The following NALF1 variants were observed in gnomAD, a reference collection of about 807,000 sequenced individuals.
The protein encoded by NALF1 is family with sequence similarity 155 member A.
NALF1 carries 3 observed loss-of-function variants against 48.4 expected under a neutral mutation model. The ratio of observed to expected loss-of-function variants is 0.06; its 90% CI spans 0.03 to 0.16. NALF1 has a LOEUF of 0.16. Ranked by LOEUF, NALF1 falls within the 10% of genes least tolerant of loss-of-function variation. The probability of loss-of-function intolerance (pLI) is 1.00; values close to 1 mark genes in which losing one functional copy is unlikely to be tolerated. For missense variants in NALF1, 526 were observed against 571.5 expected, an observed-to-expected ratio of 0.92 and a Z score of 0.81; for synonymous variants, 262 against 245.7, an observed-to-expected ratio of 1.07 and a Z score of -0.62.
chr13:107,668,294 A>G (rs1880909277), intron 1 of NALF1, among the ~76,000 whole-genome samples: 1 of 151,960 alleles, frequency 6.6e-6, no homozygotes, highest in Non-Finnish European at 1.5e-5. Flanking sequence ...CTACTAACTC[A>G]CTTCTGAGGT....
At position 107,710,659 on chromosome 13, in the gene NALF1, G is replaced by A. The variant is rs933012187; in HGVS notation, c.915+155023C>T. Among the ~76,000 whole-genome samples, 4 of 149,476 alleles carry A rather than the reference G, an allele frequency of 2.7e-5. No homozygotes were observed. The East Asian group carries it at 5.8e-4, about 22-fold the overall frequency. Reference sequence around the variant, plus strand: ...GAACTCACTATCGCAAGAAGAGCATGGGGGAAACCACCTGCAGAATCCAAT... The same window carrying A: ...GAACTCACTATCGCAAGAAGAGCATAGGGGAAACCACCTGCAGAATCCAAT... On this transcript the variant is annotated intron_variant, in intron 1 of 2. Transcript: ENST00000375915.
chr13:107,235,656 T>C (rs1259313116), intron 1 of NALF1, among the ~76,000 whole-genome samples: 9 of 152,216 alleles, frequency 5.9e-5, no homozygotes, highest in African/African-American at 2.2e-4. Flanking sequence ...GTCATCCATT[T>C]TTAAAAATAC....
chr13:107,734,755 C>T (rs1308574525), intron 1 of NALF1, among the ~76,000 whole-genome samples: 1 of 152,090 alleles, frequency 6.6e-6, no homozygotes, highest in Non-Finnish European at 1.5e-5. Flanking sequence ...AGACAGCACA[C>T]ATAATGGGCT....
At chr13:107,272,986 T>C (rs1400668330) in intron 1 of NALF1, among the ~76,000 whole-genome samples, 1 of 152,186 alleles carries the variant, frequency 6.6e-6, no homozygotes, top group Non-Finnish European at 1.5e-5. Flanking sequence ...GTTCAGGACA[T>C]GCTACCCAAA....
At chr13:107,277,034 T>C (rs907190298) in intron 1 of NALF1, among the ~76,000 whole-genome samples, 1 of 152,194 alleles carries the variant, frequency 6.6e-6, no homozygotes, top group African/African-American at 2.4e-5. Flanking sequence ...ATACAGAACA[T>C]TGTATTCACA....
At chr13:107,476,414 G>A (rs933642815) in intron 1 of NALF1, among the ~76,000 whole-genome samples, 1 of 152,026 alleles carries the variant, frequency 6.6e-6, no homozygotes, top group African/African-American at 2.4e-5. Context: ...CATGTGTAAT[G>A]TATAAGAAAA....
intron 1 of NALF1, among the ~76,000 whole-genome samples, chr13:107,547,983 T>A (rs1349245024): frequency 6.6e-6 from 1 of 152,122 alleles, no homozygotes; most frequent in Non-Finnish European, 1.5e-5. Flanking sequence ...CTATTTTTTT[T>A]AAATTTTAGG....
At position 107,627,692 on chromosome 13, in the gene NALF1, G is replaced by A. The variant is rs561917683; in HGVS notation, c.915+237990C>T. Among the ~76,000 whole-genome samples, 120 of 152,158 alleles carry A rather than the reference G, an allele frequency of 7.9e-4. 1 individual carries two copies. The highest frequency in any genetic ancestry group is 2.4e-3 in the African/African-American group (99 of 41,552). The stretch of plus-strand genomic sequence containing the variant: ...TGCAACAAAAAGTCAAATGGAGAGA[G>A]AACTGCAGTGGTGGGCTCTATTTTC... On this transcript the variant is annotated intron_variant, in intron 1 of 2. Coordinates refer to ENST00000375915, the MANE Select transcript of NALF1 (RefSeq NM_001080396.3).
intron 1 of NALF1, among the ~76,000 whole-genome samples, chr13:107,602,082 T>C (rs1376132157): frequency 6.6e-6 from 1 of 152,210 alleles, no homozygotes; most frequent in East Asian, 1.9e-4. Context: ...CTGCATCCAA[T>C]ACACCTATGT....
intron 1 of NALF1, among the ~76,000 whole-genome samples, chr13:107,424,326 T>TG (rs1327478901): frequency 6.6e-6 from 1 of 152,020 alleles, no homozygotes; most frequent in Non-Finnish European, 1.5e-5. Context: ...TATCTAGAGA[T>TG]GGAGTTTTGC....
chr13:107,311,990 T>C (rs148211133), intron 1 of NALF1, among the ~76,000 whole-genome samples: 6,992 of 152,230 alleles, frequency 0.046, 238 homozygotes, highest in East Asian at 0.19. Flanking sequence ...TAAACTAGTT[T>C]AATCATTGTG....
intron 1 of NALF1, among the ~76,000 whole-genome samples, chr13:107,773,246 T>C (rs1024786731): frequency 3.3e-5 from 5 of 152,178 alleles, no homozygotes; most frequent in African/African-American, 1.2e-4. Flanking sequence ...CTTTCAATTT[T>C]CTCATCAGAA....
chr13:107,796,119 T>G (rs1315327603), intron 1 of NALF1, among the ~76,000 whole-genome samples: 2 of 152,182 alleles, frequency 1.3e-5, no homozygotes, highest in Non-Finnish European at 2.9e-5. Context: ...TAAGGTAATC[T>G]TTGTGTGTGG....
intron 2 of NALF1, among the ~76,000 whole-genome samples, chr13:107,180,257 T>C (rs8000874): frequency 0.02 from 3,098 of 152,088 alleles, 110 homozygotes; most frequent in African/African-American, 0.071. Context: ...TATTCAAGTA[T>C]AGGCATTACA....
chr13:107,195,168 A>G (rs1410979916), intron 2 of NALF1, among the ~76,000 whole-genome samples: 1 of 152,216 alleles, frequency 6.6e-6, no homozygotes, highest in Non-Finnish European at 1.5e-5. Flanking sequence ...AGGTTCCTTA[A>G]AGAACTAAAA....
rs1386945144 is a variant in NALF1, at chr13:107,660,484, C to CACACAA, written c.915+205197_915+205198insTTGTGT. On this transcript the variant is annotated intron_variant, in intron 1 of 2. Coordinates refer to ENST00000375915, the MANE Select transcript of NALF1 (RefSeq NM_001080396.3). ...ACACACACACACACACACACACACA[C>CACACAA]AACAAAGAAACAAAAAAACAAACAA... Among the ~76,000 whole-genome samples, 353 of 139,216 alleles carry CACACAA rather than the reference C, an allele frequency of 2.5e-3. 1 individual carries two copies. The highest frequency in any genetic ancestry group is 0.012 in the East Asian group (50 of 4,246). The allele number at this position is 139,216 out of a possible 152,430, so 91.3% of individuals were successfully genotyped here. A position where few individuals can be genotyped will look rare whatever the true frequency, so the allele number is the denominator to read the frequency against.
intron 1 of NALF1, among the ~76,000 whole-genome samples, chr13:107,805,638 T>G (rs1042207611): frequency 6.6e-6 from 1 of 152,224 alleles, no homozygotes; most frequent in Non-Finnish European, 1.5e-5. Flanking sequence ...CTAACTTACA[T>G]GAGTAAATAA....
chr13:107,205,693 C>T (rs1438238419), intron 2 of NALF1, among the ~76,000 whole-genome samples: 1 of 152,160 alleles, frequency 6.6e-6, no homozygotes, highest in Non-Finnish European at 1.5e-5. Flanking sequence ...GTCAGTAACC[C>T]CCAGCAGACC....
intron 1 of NALF1, among the ~76,000 whole-genome samples, chr13:107,863,055 T>C (rs1880618211): frequency 6.6e-6 from 1 of 151,310 alleles, no homozygotes. Context: ...TAAAATTAAT[T>C]TTAATGAAAA....
Sources: allele counts gnomAD v4.1 joint callset (sites outside exome capture counted in the v4.1 genomes callset), GRCh38; gene constraint gnomAD v4.1.1; transcripts MANE v1.5; gene names NCBI Gene and HGNC (gene_info 2026-07-23, HGNC 2026-07-21).